Variants in LIFR observed in about 807,000 individuals in gnomAD.
LIFR encodes leukemia inhibitory factor receptor.
LIFR carries 84 observed loss-of-function variants against 122.2 expected under a neutral mutation model. That is an observed-to-expected ratio of 0.69 (90% confidence interval 0.58 to 0.82). LIFR has a LOEUF of 0.82. Among genes scored for constraint, LIFR ranks in the 40% least tolerant of loss-of-function variants. The pLI is 0.00. For missense variants in LIFR, 1,294 were observed against 1,311.6 expected (o/e 0.99, Z 0.21); for synonymous variants, 422 against 434.7 (o/e 0.97, Z 0.36).
At chr5:38,600,723 T>C (rs1202702547) in intron 2 of LIFR, among the ~76,000 whole-genome samples, 1 of 152,212 alleles carries the variant, frequency 6.6e-6, no homozygotes, top group Non-Finnish European at 1.5e-5. Flanking sequence ...TTGTTCAAAT[T>C]TCTCCTTGTC....
chr5:38,500,276 A>G (rs1208422645), intron 11 of LIFR, among the ~76,000 whole-genome samples: 1 of 152,234 alleles, frequency 6.6e-6, no homozygotes, highest in East Asian at 1.9e-4. Context: ...ATCTGCTGCT[A>G]TATCACTGCT....
intron 1 of LIFR, among the ~76,000 whole-genome samples, chr5:38,542,894 A>C (rs1372156718): frequency 6.6e-5 from 10 of 150,750 alleles, no homozygotes; most frequent in Non-Finnish European, 5.9e-5. Flanking sequence ...GCATATGCTT[A>C]CATTACTACA....
intron 1 of LIFR, among the ~76,000 whole-genome samples, chr5:38,532,186 TATTCTA>T (rs2112576782): frequency 6.6e-6 from 1 of 152,318 alleles, no homozygotes; most frequent in South Asian, 2.1e-4. Flanking sequence ...AAGTTTCGAT[TATTCTA>T]AAAAGAGACA....
At chr5:38,555,038 T>G (rs749692851) in intron 1 of LIFR, 1 of 152,198 alleles carries the variant, frequency 6.6e-6, no homozygotes, top group Non-Finnish European at 1.5e-5. Context: ...AATTCAATTC[T>G]TGAAGAGGAA....
chr5:38,601,249 G>C (rs189868397), intron 2 of LIFR, among the ~76,000 whole-genome samples: 84 of 152,290 alleles, frequency 5.5e-4, no homozygotes, highest in African/African-American at 2.0e-3. Context: ...TGCTGTCTAT[G>C]AACCAGAAAA....
intron 17 of LIFR, chr5:38,485,582 G>GTA: frequency 1.7e-6 from 1 of 573,876 alleles, no homozygotes; most frequent in Non-Finnish European, 3.1e-6. Flanking sequence ...GACTTCAGAT[G>GTA]TATCCCAAAT....
Position 38,480,817 on chromosome 5 carries a change from T to A in LIFR, c.*778A>T. 1 of 214,570 alleles carries A rather than the reference T, an allele frequency of 4.7e-6. No individual in the cohort carries two copies. The highest frequency in any genetic ancestry group is 9.4e-6 in the Non-Finnish European group (1 of 106,240). The allele number at this position is 214,570 out of a possible 1,614,324, so 13.3% of individuals were successfully genotyped here. ...GGGTCTCTAGTCTTAGAAGTGTAAA[T>A]TTTAAATATTAGGGCAACCAACTGA... On this transcript the variant is annotated 3_prime_UTR_variant, in exon 20 of 20. Transcript: ENST00000453190.
chr5:38,600,487 CCTA>C (rs1171688403), intron 2 of LIFR, among the ~76,000 whole-genome samples: 2 of 152,170 alleles, frequency 1.3e-5, no homozygotes, highest in East Asian at 3.9e-4. Flanking sequence ...TGGCAAGTTG[CCTA>C]TAACTTCTGC....
chr5:38,592,374 A>G (rs551150133), intron 1 of LIFR, among the ~76,000 whole-genome samples: 1 of 152,322 alleles, frequency 6.6e-6, no homozygotes, highest in East Asian at 1.9e-4. Context: ...TACATTATGT[A>G]AGGCTGGGCA....
intron 1 of LIFR, among the ~76,000 whole-genome samples, chr5:38,533,040 A>G (rs913728036): frequency 1.4e-4 from 21 of 152,226 alleles, no homozygotes; most frequent in African/African-American, 5.1e-4. Flanking sequence ...GCCTAGCATA[A>G]AAGTGGCAGC....
chr5:38,485,315 C>A (rs1054030583), intron 17 of LIFR, among the ~76,000 whole-genome samples: 10 of 152,188 alleles, frequency 6.6e-5, no homozygotes, highest in Non-Finnish European at 1.2e-4. Flanking sequence ...CCTCATGGCT[C>A]TTTATATAAG....
In LIFR at chr5:38,532,375, T is replaced by C. The variant is rs75683352; in HGVS notation, c.-19-1709A>G. Reference sequence around the variant, plus strand: ...TCCCTCCCTGCTTCAGCCTCAACCATTGGAGCAGAGAGGCATGCTCTCTAT... The same window carrying C: ...TCCCTCCCTGCTTCAGCCTCAACCACTGGAGCAGAGAGGCATGCTCTCTAT... On this transcript the variant is annotated intron_variant, in intron 1 of 19. Transcript: ENST00000453190. Among the ~76,000 whole-genome samples, 1,802 of 152,248 alleles carry C rather than the reference T, an allele frequency of 0.012. 185 individuals are homozygous for C. In the East Asian group the frequency reaches 0.25, roughly 21 times the overall value.
chr5:38,490,349 T>C (rs1744517300), intron 14 of LIFR, 58 bp from the exon 15 acceptor site: 3 of 772,918 alleles, frequency 3.9e-6, no homozygotes, highest in East Asian at 5.1e-5. Context: ...ATATCTATTT[T>C]AGAAACATCA....
At chr5:38,604,786 T>C (rs1750292804) in intron 2 of LIFR, among the ~76,000 whole-genome samples, 2 of 152,066 alleles carry the variant, frequency 1.3e-5, no homozygotes, top group Non-Finnish European at 2.9e-5. Flanking sequence ...GCTGACAACA[T>C]GTGCGTAAGG....
Position 38,478,677 on chromosome 5 carries a change from C to T in LIFR, c.*2918G>A, listed in dbSNP as rs1743835794. The T allele has an allele frequency of 4.9e-6, 1 of 202,204 alleles. No homozygotes were observed. The highest frequency in any genetic ancestry group is 2.3e-5 in the African/African-American group (1 of 43,552). 12.5% of individuals were successfully genotyped at this position (202,204 alleles called of 1,614,324 possible). A position where few individuals can be genotyped will look rare whatever the true frequency, so the allele number is the denominator to read the frequency against. The stretch of plus-strand genomic sequence containing the variant: ...GTCATAATAAGCCCCATAATGATCT[C>T]CATTCCTCGCAAGGGAAGCTTGATT... On this transcript the variant is annotated 3_prime_UTR_variant, in exon 20 of 20. Transcript: ENST00000453190.
At chr5:38,502,528 G>A in intron 11 of LIFR, 109 bp downstream of exon 11, 1 of 908,234 alleles carries the variant, frequency 1.1e-6, no homozygotes, top group Non-Finnish European at 1.8e-6. Flanking sequence ...CAAAGTGCTG[G>A]GATTACAGGT....
At chr5:38,491,948 G>T (rs1272631047) in intron 14 of LIFR, among the ~76,000 whole-genome samples, 1 of 151,972 alleles carries the variant, frequency 6.6e-6, no homozygotes, top group Non-Finnish European at 1.5e-5. Context: ...ATATTTTATA[G>T]GGCTCTGACA....
intron 16 of LIFR, among the ~76,000 whole-genome samples, chr5:38,488,369 T>C (rs1744397866): frequency 6.6e-6 from 1 of 152,176 alleles, no homozygotes; most frequent in Non-Finnish European, 1.5e-5. Context: ...ATAATTAAAA[T>C]GATTTCTTTC....
intron 1 of LIFR, among the ~76,000 whole-genome samples, chr5:38,563,271 A>T (rs148265289): frequency 1.6e-4 from 24 of 152,342 alleles, no homozygotes; most frequent in Non-Finnish European, 3.1e-4. Context: ...GAGTTCACAT[A>T]GAATTCCATT....
Sources: gnomAD v4.1 joint callset for allele counts (sites outside exome capture counted in the v4.1 genomes callset) on GRCh38, gnomAD v4.1.1 for gene constraint, MANE v1.5 for transcripts, NCBI Gene and HGNC (gene_info 2026-07-23, HGNC 2026-07-21) for gene names.